The following NUP210 variants were observed in gnomAD, a reference collection of about 807,000 sequenced individuals.
The protein encoded by NUP210 is nuclear pore membrane glycoprotein 210.
Under a neutral mutation model 196.0 loss-of-function variants are expected in NUP210, and 151 were observed. The observed-to-expected ratio is 0.77, with a 90% CI of 0.67 to 0.88. NUP210 has a LOEUF of 0.88. Ranked by LOEUF, NUP210 falls within the 40% of genes least tolerant of loss-of-function variation. The pLI is 0.00. For synonymous variants in NUP210, 1,070 were observed against 1,052.7 expected (o/e 1.02, Z -0.32); for missense variants, 2,314 against 2,493.7 (o/e 0.93, Z 1.53).
chr3:13,330,308 T>C, intron 30 of NUP210, 152 bp downstream of exon 30: 12 of 642,860 alleles, frequency 1.9e-5, no homozygotes, highest in Non-Finnish European at 1.6e-5. Flanking sequence ...TAGCTTTTTA[T>C]CTACCTAGGA....
chr3:13,342,770 T>G (rs1247843239), intron 21 of NUP210, among the ~76,000 whole-genome samples: 3 of 152,202 alleles, frequency 2.0e-5, no homozygotes, highest in African/African-American at 7.2e-5. Context: ...CAATGGCGCT[T>G]GGCATGGGTG....
intron 1 of NUP210, among the ~76,000 whole-genome samples, chr3:13,406,968 C>A (rs1160789449): frequency 6.6e-6 from 1 of 152,036 alleles, no homozygotes; most frequent in South Asian, 2.1e-4. Context: ...TCACTCGGTT[C>A]TCTCATCTGT....
At chr3:13,374,083 A>T (rs1245068935) in intron 11 of NUP210, among the ~76,000 whole-genome samples, 6 of 151,924 alleles carry the variant, frequency 3.9e-5, no homozygotes, top group Non-Finnish European at 8.8e-5. Context: ...CCTCACACTC[A>T]TGCTCACTTA....
At chr3:13,358,194 C>A (rs1465372805) in intron 16 of NUP210, 28 bp downstream of exon 16, 27 of 1,571,998 alleles carry the variant, frequency 1.7e-5, no homozygotes, top group African/African-American at 2.7e-5. Flanking sequence ...GGCACCCTCA[C>A]CTCCTCCCGA....
Position 13,414,701 on chromosome 3 carries a change from C to A in NUP210, c.167+5359G>T, listed in dbSNP as rs555318667. Among the ~76,000 whole-genome samples the A allele has an allele frequency of 2.0e-5, 3 of 152,334 alleles. No individual in the cohort carries two copies. In the South Asian group the frequency reaches 6.2e-4, roughly 32 times the overall value. ...TTTGCACTTGCTGTCCCCTCCAACT[C>A]AACCCCACTCCACTCCTAGTTCGAC... On this transcript the variant is annotated intron_variant, in intron 1 of 39. Coordinates refer to ENST00000254508, the MANE Select transcript of NUP210 (RefSeq NM_024923.4).
At chr3:13,384,983 T>C (rs1437855891) in intron 6 of NUP210, among the ~76,000 whole-genome samples, 1 of 152,194 alleles carries the variant, frequency 6.6e-6, no homozygotes, top group Non-Finnish European at 1.5e-5. Context: ...TCCTGTTGAC[T>C]TGACATCCTG....
rs139208440 is a variant in NUP210 at position 13,321,840 on chromosome 3, G to A, written c.4916-5C>T. On this transcript the variant is annotated splice_polypyrimidine_tract_variant and splice_region_variant and intron_variant, in intron 35 of 39. Coordinates refer to ENST00000254508, the MANE Select transcript of NUP210 (RefSeq NM_024923.4). ...TGATTGAGCAGAAGTACTGGCCTGC[G>A]AAGACAAGGGTGTATTGTCTTGTCC... The A allele has an allele frequency of 6.0e-4, 954 of 1,602,002 alleles. 8 individuals carry two copies. The African/African-American group carries it at 0.011, about 19-fold the overall frequency.
In NUP210 at chr3:13,360,276, A is replaced by G; in HGVS notation, c.2148T>C (p.Gly716=). The change falls in exon 15 of 40, where the codon GGT becomes GGC. Residue 716 remains glycine, a synonymous_variant. Coordinates refer to ENST00000254508, the MANE Select transcript of NUP210 (RefSeq NM_024923.4). ...GGAGCAGCTGCCCACTCACCTGCTC[A>G]CCCAAGGCCTGACAGGTCACAAGGA... The part of the protein sequence containing the change: ...HWILVTCQAL[G]EQVIALSVGN... 2 of 1,613,940 alleles carry G rather than the reference A, an allele frequency of 1.2e-6. No homozygotes were observed. The highest frequency in any genetic ancestry group is 1.7e-6 in the Non-Finnish European group (2 of 1,179,820).
At chr3:13,389,764 C>T (rs954599428) in intron 4 of NUP210, among the ~76,000 whole-genome samples, 3 of 152,170 alleles carry the variant, frequency 2.0e-5, no homozygotes, top group Non-Finnish European at 4.4e-5. Flanking sequence ...AATGAAAGAC[C>T]AGACAGTAAA....
chr3:13,397,515 C>A (rs1350987560), intron 2 of NUP210, 27 bp from the exon 3 acceptor site: 2 of 1,555,630 alleles, frequency 1.3e-6, no homozygotes, highest in South Asian at 1.2e-5. Context: ...AAGGGGTCAG[C>A]ACCAAAGACA....
intron 6 of NUP210, among the ~76,000 whole-genome samples, chr3:13,383,514 C>T (rs1484451303): frequency 5.7e-5 from 4 of 70,794 alleles, no homozygotes; most frequent in African/African-American, 1.5e-4. Context: ...TTAGAGTGAG[C>T]TCTTTTTTTT....
intron 25 of NUP210, among the ~76,000 whole-genome samples, chr3:13,338,931 G>A (rs909987989): frequency 2.0e-5 from 3 of 152,230 alleles, no homozygotes; most frequent in African/African-American, 2.4e-5. Flanking sequence ...CTAGCCAGCT[G>A]CCCTTTACCT....
chr3:13,378,738 C>T (rs906073224), intron 8 of NUP210, among the ~76,000 whole-genome samples, 174 bp downstream of exon 8: 4 of 152,246 alleles, frequency 2.6e-5, no homozygotes, highest in African/African-American at 9.6e-5. Context: ...CTACCTATTT[C>T]TACACCAAAC....
chr3:13,411,995 G>A (rs7620337), intron 1 of NUP210, among the ~76,000 whole-genome samples: 33,805 of 151,822 alleles, frequency 0.22, 5,938 homozygotes, highest in African/African-American at 0.49. Flanking sequence ...CGCCCTCCTC[G>A]GCCTCCCAAA....
Position 13,332,345 on chromosome 3 carries a change from C to T in NUP210, c.3883G>A (p.Ala1295Thr), listed in dbSNP as rs760450428. Residue 1295 changes from alanine (A) to threonine (T), a missense_variant, in exon 29 of 40, where the codon GCA (alanine) becomes ACA (threonine). Transcript: ENST00000254508. ...TTGGGCGACATTAATATTTGTTCTG[C>T]TTCTATTTCAGGGTTGAGCAGCTGC... ...KLQLLNPEIE[A>T]EQILMSPNSY... 1 of 1,613,914 alleles carries T rather than the reference C, an allele frequency of 6.2e-7. No homozygotes were observed. The highest frequency in any genetic ancestry group is 1.1e-5 in the South Asian group (1 of 91,068).
chr3:13,345,061 G>A (rs1183081460), intron 20 of NUP210: 1 of 985,416 alleles, frequency 1.0e-6, no homozygotes, highest in African/African-American at 1.7e-5. Flanking sequence ...ATGCCCTCGG[G>A]ACTCAGCCCA....
intron 1 of NUP210, among the ~76,000 whole-genome samples, chr3:13,405,733 T>C (rs1699984555): frequency 6.6e-6 from 1 of 152,146 alleles, no homozygotes; most frequent in Non-Finnish European, 1.5e-5. Context: ...CAGCCCTGTA[T>C]GGGAAAACCA....
rs370724778 is a variant in NUP210, at chr3:13,413,402, G to A, written c.167+6658C>T. Among the ~76,000 whole-genome samples the A allele has an allele frequency of 2.0e-4, 31 of 152,010 alleles. No individual in the cohort carries two copies. The East Asian group carries it at 5.4e-3, about 27-fold the overall frequency. ...GGAGAATGGCATGAACCCGGGAGGC[G>A]GAGCTTGCAGTGAGCCAAGATCGCA... On this transcript the variant is annotated intron_variant, in intron 1 of 39. Transcript: ENST00000254508.
chr3:13,340,933 T>G lies in NUP210; in HGVS notation c.3229-635A>C, dbSNP rs1322718048. 1 of 152,358 alleles carries G rather than the reference T, an allele frequency of 6.6e-6. No homozygotes were observed. The highest frequency in any genetic ancestry group is 1.5e-5 in the Non-Finnish European group (1 of 68,214). 9.4% of individuals were successfully genotyped at this position (152,358 alleles called of 1,614,324 possible). ...CAGGAGGTGGCCAGGGTGCTACTTG[T>G]GTGGGAGTATCGGTCTCTGTAGCTG... On this transcript the variant is annotated intron_variant, in intron 23 of 39. Coordinates refer to ENST00000254508, the MANE Select transcript of NUP210 (RefSeq NM_024923.4). This position sits in a 1 kb window ranked among gnomAD's most constrained non-coding sequence, Gnocchi z 4.0.
Sources: gnomAD v4.1 joint callset for allele counts (sites outside exome capture counted in the v4.1 genomes callset) on GRCh38, gnomAD v4.1.1 for gene constraint, Gnocchi (gnomAD v3.1) non-coding constraint, MANE v1.5 for transcripts, NCBI Gene and HGNC (gene_info 2026-07-23, HGNC 2026-07-21) for gene names.